Variants in ZNF28 observed in about 807,000 individuals in gnomAD.
ZNF28 encodes the protein zinc finger protein KOX24.
A neutral mutation model predicts 7.2 loss-of-function variants in ZNF28; 5 were observed. The observed-to-expected ratio is 0.70, with a 90% CI of 0.36 to 1.46. The LOEUF (loss-of-function observed/expected upper bound fraction) is 1.46. ZNF28 is among the 40% of genes most tolerant of loss of function. ZNF28 has a pLI of 0.03. For synonymous variants in ZNF28, 288 were observed against 292.4 expected (o/e 0.99, Z 0.15); for missense variants, 879 against 866.6 (o/e 1.01, Z -0.18).
intron 2 of ZNF28, among the ~76,000 whole-genome samples, chr19:52,812,387 A>G (rs1402273919): frequency 1.4e-5 from 2 of 138,502 alleles, no homozygotes; most frequent in Admixed American, 1.4e-4. Flanking sequence ...GGATAGAAGT[A>G]GACATGGGAG....
chr19:52,799,360 TCTC>T lies in ZNF28; in HGVS notation c.*325_*327del, dbSNP rs2062832602. On this transcript the variant is annotated 3_prime_UTR_variant, in exon 4 of 4. Transcript: ENST00000457749. ...TCATAAACCTTACATCTGTGTGGTT[TCTC>T]TTCAGCATGCATTTTCTTATGTGTT... 1 of 558,440 alleles carries T rather than the reference TCTC, an allele frequency of 1.8e-6. No homozygotes were observed. The highest frequency in any genetic ancestry group is 3.2e-5 in the Admixed American group (1 of 30,872). The allele number at this position is 558,440 out of a possible 1,614,324, so 34.6% of individuals were successfully genotyped here.
Position 52,801,243 on chromosome 19 carries a change from A to C in ZNF28, c.602T>G (p.Leu201Ter), listed in dbSNP as rs370513397. The change falls in exon 4 of 4, where the codon TTA becomes TGA. Residue 201 changes from leucine to a stop codon, truncating the protein, a stop_gained. Transcript: ENST00000457749. LOFTEE classifies it low-confidence loss of function (END_TRUNC). Reference protein sequence around the residue: ...KYGNNSLHSSLLTQKRNVHMR... With the variant: ...KYGNNSLHSS ...GTGTACATTCCGTTTTTGTGTGAGT[A>C]ATGAAGAATGGAGGGAATTATTTCC... 1 of 1,614,058 alleles carries C rather than the reference A, an allele frequency of 6.2e-7. No individual in the cohort carries two copies. The highest frequency in any genetic ancestry group is 1.3e-5 in the African/African-American group (1 of 74,928).
chr19:52,817,795 C>A, intron 2 of ZNF28, 149 bp downstream of exon 2: 9 of 1,529,922 alleles, frequency 5.9e-6, no homozygotes, highest in South Asian at 1.1e-5. Flanking sequence ...GGAATCTAAG[C>A]GAGATGAGAT....
chr19:52,807,748 A>G, intron 3 of ZNF28: 2 of 573,194 alleles, frequency 3.5e-6, no homozygotes, highest in Non-Finnish European at 5.7e-6. Context: ...GTGCTGGGAT[A>G]ACAGGCGTGA....
At chr19:52,807,086 C>T (rs1266680337) in intron 3 of ZNF28, among the ~76,000 whole-genome samples, 5 of 152,158 alleles carry the variant, frequency 3.3e-5, no homozygotes, top group African/African-American at 7.2e-5. Flanking sequence ...TGAGCTCTTA[C>T]CTGCGTTTGC....
Position 52,810,815 on chromosome 19 carries a change from T to A in ZNF28, c.16-2682A>T, listed in dbSNP as rs548115483. The A allele has an allele frequency of 8.2e-4, 267 of 324,302 alleles. 3 individuals are homozygous for A. The East Asian group carries it at 8.9e-3, about 11-fold the overall frequency. 20.1% of individuals were successfully genotyped at this position (324,302 alleles called of 1,614,324 possible). A position where few individuals can be genotyped will look rare whatever the true frequency, so the allele number is the denominator to read the frequency against. On this transcript the variant is annotated intron_variant, in intron 2 of 3. Transcript: ENST00000457749. Reference sequence around the variant, plus strand: ...AGAAGATGACCTTGATGGAAAAAAATATATATATATTTTTAAAAAAAGAGT... The same window carrying A: ...AGAAGATGACCTTGATGGAAAAAAAAATATATATATTTTTAAAAAAAGAGT...
chr19:52,817,637 A>C (rs181118577), intron 2 of ZNF28, among the ~76,000 whole-genome samples: 3 of 152,128 alleles, frequency 2.0e-5, no homozygotes, highest in Admixed American at 6.6e-5. Context: ...GTGCATCCAG[A>C]TGTGGCCCCT....
chr19:52,817,127 C>A (rs548726075), intron 2 of ZNF28, among the ~76,000 whole-genome samples: 1 of 152,264 alleles, frequency 6.6e-6, no homozygotes, highest in East Asian at 1.9e-4. Flanking sequence ...AATCCCAGCA[C>A]TTTAGGAAGC....
intron 2 of ZNF28, among the ~76,000 whole-genome samples, chr19:52,816,917 A>T (rs1395993423): frequency 4.6e-5 from 7 of 151,452 alleles, no homozygotes; most frequent in Admixed American, 1.3e-4. Flanking sequence ...ATAAAAAAGC[A>T]GTACTCTCCA....
rs943062254 is a variant in ZNF28 at position 52,797,649 on chromosome 19, T to G, written c.*2039A>C. ...TAAGAAATATTTAGGAATAAACATATAAAGGTGAGAAGTTTGTACCTTGAA... is the reference window on the plus strand; with the variant it reads ...TAAGAAATATTTAGGAATAAACATAGAAAGGTGAGAAGTTTGTACCTTGAA... On this transcript the variant is annotated 3_prime_UTR_variant, in exon 4 of 4. Transcript: ENST00000457749. The G allele has an allele frequency of 6.5e-6, 1 of 154,956 alleles. No individual in the cohort carries two copies. The highest frequency in any genetic ancestry group is 1.5e-5 in the Non-Finnish European group (1 of 68,020). 9.6% of individuals were successfully genotyped at this position (154,956 alleles called of 1,614,324 possible). A position where few individuals can be genotyped will look rare whatever the true frequency, so the allele number is the denominator to read the frequency against.
At chr19:52,812,208 G>A (rs1296337554) in intron 2 of ZNF28, among the ~76,000 whole-genome samples, 3 of 133,256 alleles carry the variant, frequency 2.3e-5, no homozygotes, top group African/African-American at 3.5e-5. Context: ...CTGCCCGGCC[G>A]CCCCTACTGG....
Position 52,798,137 on chromosome 19 carries a change from AAAAAAAG to A in ZNF28, c.*1544_*1550del, listed in dbSNP as rs1462728516. 6.3e-6 allele frequency: 1 copy of A among 157,948 alleles called. No homozygotes were observed. Among genetic ancestry groups the A allele is most frequent in the East Asian group, 1.9e-4 (1 of 5,290 alleles). 9.8% of individuals were successfully genotyped at this position (157,948 alleles called of 1,614,324 possible). ...AGACTCCATCTCAAAAACAAAAACA[AAAAAAAG>A]AAAAAAGAAAGAAAGAATAGAAATG... On this transcript the variant is annotated 3_prime_UTR_variant, in exon 4 of 4. Transcript: ENST00000457749.
rs138200021 is a variant in ZNF28, at chr19:52,819,398, C to CTTT, written c.-73-1370_-73-1368dup. Among the ~76,000 whole-genome samples, 21 of 135,660 alleles carry CTTT rather than the reference C, an allele frequency of 1.5e-4. 2 individuals carry two copies. The highest frequency in any genetic ancestry group is 6.3e-4 in the African/African-American group (21 of 33,530). 89.0% of individuals were successfully genotyped at this position (135,660 alleles called of 152,430 possible). A position where few individuals can be genotyped will look rare whatever the true frequency, so the allele number is the denominator to read the frequency against. On this transcript the variant is annotated intron_variant, in intron 1 of 3. Coordinates refer to ENST00000457749, the MANE Select transcript of ZNF28 (RefSeq NM_006969.5). ...CCACTCTCTTTCTTCCATTCTATTGCTTTTTTTTTTCATTTTTGGGGTACT... is the reference window on the plus strand; with the variant it reads ...CCACTCTCTTTCTTCCATTCTATTGCTTTTTTTTTTTTTCATTTTTGGGGTACT...
At chr19:52,813,788 G>A (rs2063086899) in intron 2 of ZNF28, among the ~76,000 whole-genome samples, 1 of 146,630 alleles carries the variant, frequency 6.8e-6, no homozygotes, top group African/African-American at 2.6e-5. Flanking sequence ...TCCCCATGGG[G>A]AAATGCACTA....
rs550219941 is a variant in ZNF28, at chr19:52,800,321, T to A, written c.1524A>T (p.Ser508=). Residue 508 remains serine (S), a synonymous_variant, in exon 4 of 4, where the codon TCA becomes TCT. Coordinates refer to ENST00000457749, the MANE Select transcript of ZNF28 (RefSeq NM_006969.5). ...KVCDKAFRSD[S]CLTEHQRVHT... ...GAACTCTCTGATGTTCTGTAAGGCA[T>A]GAATCACTCCGGAAAGCCTTGTCAC... is the stretch of plus-strand genomic sequence containing the variant. 3.7e-6 allele frequency: 6 copies of A among 1,613,944 alleles called. No homozygotes were observed. The South Asian group carries it at 5.5e-5, about 15-fold the overall frequency.
At chr19:52,809,837 CGGTGGCGGT>C (rs1005891924) in intron 2 of ZNF28, 53 of 553,896 alleles carry the variant, frequency 9.6e-5, no homozygotes, top group African/African-American at 3.4e-4. Flanking sequence ...GCGGCGGCGG[CGGTGGCGGT>C]GGTGGCAGTA....
intron 2 of ZNF28, chr19:52,810,694 T>C: frequency 1.2e-6 from 1 of 803,392 alleles, no homozygotes. Context: ...GACATCACGG[T>C]ATTCCCCTTA....
intron 1 of ZNF28, among the ~76,000 whole-genome samples, chr19:52,818,334 T>G (rs1462402006): frequency 6.6e-6 from 1 of 152,082 alleles, no homozygotes; most frequent in African/African-American, 2.4e-5. Flanking sequence ...CCCAGCTACT[T>G]AGGAAGCTGA....
intron 2 of ZNF28, among the ~76,000 whole-genome samples, chr19:52,811,118 T>C (rs1408687357): frequency 6.7e-6 from 1 of 149,954 alleles, no homozygotes; most frequent in African/African-American, 2.5e-5. Context: ...GGTCTCCAGC[T>C]CCTAACCACG....
Sources: allele counts gnomAD v4.1 joint callset (sites outside exome capture counted in the v4.1 genomes callset), GRCh38; gene constraint gnomAD v4.1.1; transcripts MANE v1.5; gene names NCBI Gene and HGNC (gene_info 2026-07-23, HGNC 2026-07-21).